The following GALNTL6 variants were observed in gnomAD, a reference collection of about 807,000 sequenced individuals.
The protein encoded by GALNTL6 is polypeptide N-acetylgalactosaminyltransferase like 6.
Under a neutral mutation model 73.7 loss-of-function variants are expected in GALNTL6, and 46 were observed. The ratio of observed to expected loss-of-function variants is 0.62; its 90% confidence interval spans 0.49 to 0.80. The LOEUF is 0.80. GALNTL6 is among the 30% of genes least tolerant of loss of function. The pLI is 0.00. For synonymous variants in GALNTL6, 259 were observed against 263.7 expected (o/e 0.98, Z 0.17); for missense variants, 604 against 755.0 (o/e 0.80, Z 2.34).
At chr4:172,330,627 C>T (rs1325505427) in intron 4 of GALNTL6, among the ~76,000 whole-genome samples, 2 of 152,138 alleles carry the variant, frequency 1.3e-5, no homozygotes, top group African/African-American at 2.4e-5. Context: ...GTTGTTTTAT[C>T]GCTCATTTTA....
chr4:172,212,114 T>G (rs2110928169), intron 2 of GALNTL6, among the ~76,000 whole-genome samples: 1 of 152,338 alleles, frequency 6.6e-6, no homozygotes, highest in African/African-American at 2.4e-5. Flanking sequence ...ATTAATATGG[T>G]TAGATTTCTT....
At chr4:172,874,016 T>G (rs1745071444) in intron 7 of GALNTL6, among the ~76,000 whole-genome samples, 1 of 152,242 alleles carries the variant, frequency 6.6e-6, no homozygotes, top group African/African-American at 2.4e-5. Context: ...AACTGTCAAA[T>G]GTGTATTAAA....
At chr4:172,478,338 G>C (rs138730850) in intron 5 of GALNTL6, among the ~76,000 whole-genome samples, 5 of 152,250 alleles carry the variant, frequency 3.3e-5, no homozygotes, top group Admixed American at 2.6e-4. Flanking sequence ...GAACAGAGTA[G>C]AGAACACCAA....
intron 2 of GALNTL6, among the ~76,000 whole-genome samples, chr4:172,125,615 TATTC>T (rs1461926732): frequency 6.6e-6 from 1 of 152,170 alleles, no homozygotes; most frequent in Non-Finnish European, 1.5e-5. Context: ...TTCCATCACT[TATTC>T]AGACATTCCA....
At chr4:172,924,496 G>C (rs1014921350) in intron 8 of GALNTL6, among the ~76,000 whole-genome samples, 8 of 152,230 alleles carry the variant, frequency 5.3e-5, no homozygotes, top group Non-Finnish European at 1.0e-4. Context: ...ACAGGATAGA[G>C]TGAGAGCATG....
chr4:171,891,249 C>T (rs1424615755), intron 2 of GALNTL6, among the ~76,000 whole-genome samples: 1 of 152,156 alleles, frequency 6.6e-6, no homozygotes, highest in Non-Finnish European at 1.5e-5. Context: ...AAGTCTAAAA[C>T]ATTTTCTTTC....
intron 9 of GALNTL6, among the ~76,000 whole-genome samples, chr4:172,939,571 C>T (rs1748810641): frequency 1.3e-5 from 2 of 152,198 alleles, no homozygotes; most frequent in Non-Finnish European, 2.9e-5. Context: ...CAAGTGCCTA[C>T]TATGTGCCAG....
At chr4:172,630,901 A>G (rs921061142) in intron 5 of GALNTL6, among the ~76,000 whole-genome samples, 3 of 151,424 alleles carry the variant, frequency 2.0e-5, no homozygotes, top group African/African-American at 7.3e-5. Context: ...TATTTGAGTA[A>G]GTATGTAAAA....
At chr4:172,483,038 G>A (rs1733545923) in intron 5 of GALNTL6, among the ~76,000 whole-genome samples, 1 of 151,900 alleles carries the variant, frequency 6.6e-6, no homozygotes. Flanking sequence ...CAAAGGAGAG[G>A]ACAATTGAAA....
intron 2 of GALNTL6, among the ~76,000 whole-genome samples, chr4:171,953,225 C>CGTGTGT (rs36214606): frequency 0.095 from 14,012 of 147,004 alleles, 702 homozygotes; most frequent in East Asian, 0.17. Flanking sequence ...CGCATGCGCA[C>CGTGTGT]GTGTGTGTGT....
chr4:172,301,527 G>A (rs927276074), intron 3 of GALNTL6, among the ~76,000 whole-genome samples: 1 of 152,160 alleles, frequency 6.6e-6, no homozygotes, highest in Non-Finnish European at 1.5e-5. Context: ...TGATGATGGT[G>A]ACGTACAGAT....
chr4:171,842,382 G>GTTT (rs1735259637), intron 2 of GALNTL6, among the ~76,000 whole-genome samples: 1 of 152,068 alleles, frequency 6.6e-6, no homozygotes, highest in African/African-American at 2.4e-5. Context: ...GGCCCTCAAA[G>GTTT]TAGACACAAA....
rs182741982 is a variant in GALNTL6, at chr4:172,629,237, G to A, written c.554-180124G>A. ...AAGAGGAACAAATTGTTCAGTACACGGAAGAAAATAACTCATTTACTTTTT... is the reference window on the plus strand; with the variant it reads ...AAGAGGAACAAATTGTTCAGTACACAGAAGAAAATAACTCATTTACTTTTT... On this transcript the variant is annotated intron_variant, in intron 5 of 12. Coordinates refer to ENST00000506823, the MANE Select transcript of GALNTL6 (RefSeq NM_001034845.3). Among the ~76,000 whole-genome samples, 448 of 152,118 alleles carry A rather than the reference G, an allele frequency of 2.9e-3. 2 individuals carry two copies. The highest frequency in any genetic ancestry group is 2.9e-3 in the Non-Finnish European group (198 of 68,002).
intron 5 of GALNTL6, among the ~76,000 whole-genome samples, chr4:172,619,030 A>AT (rs1560838871): frequency 1.3e-5 from 2 of 151,906 alleles, no homozygotes; most frequent in African/African-American, 4.8e-5. Context: ...CCAATCACTA[A>AT]TTTTTTTTAG....
At chr4:172,159,699 T>C (rs1734394455) in intron 2 of GALNTL6, among the ~76,000 whole-genome samples, 1 of 152,156 alleles carries the variant, frequency 6.6e-6, no homozygotes, top group Admixed American at 6.5e-5. Flanking sequence ...CTCCAGATCA[T>C]GTAGTATGTG....
rs35490374 is a variant in GALNTL6 at position 172,609,625 on chromosome 4, C to CTG, written c.554-199696_554-199695dup. ...TTTCTCTCTCTCTCTCTCTCTCTCT[C>CTG]TGTGTGTGTGTGTGTGTGTGTGTGT... On this transcript the variant is annotated intron_variant, in intron 5 of 12. Transcript: ENST00000506823. 1.9e-3 allele frequency among the ~76,000 whole-genome samples: 179 copies of CTG among 92,766 alleles called. 2 individuals are homozygous for CTG. The highest frequency in any genetic ancestry group is 6.7e-3 in the South Asian group (13 of 1,938). 60.9% of individuals were successfully genotyped at this position (92,766 alleles called of 152,430 possible). A position where few individuals can be genotyped will look rare whatever the true frequency, so the allele number is the denominator to read the frequency against.
intron 3 of GALNTL6, among the ~76,000 whole-genome samples, chr4:172,233,689 G>T (rs944749470): frequency 2.0e-5 from 3 of 151,876 alleles, no homozygotes; most frequent in Non-Finnish European, 4.4e-5. Context: ...TTACTATCTG[G>T]TATAGCTCAC....
chr4:172,611,492 A>G (rs576111606), intron 5 of GALNTL6, among the ~76,000 whole-genome samples: 13 of 152,226 alleles, frequency 8.5e-5, no homozygotes, highest in Non-Finnish European at 1.3e-4. Context: ...AATGCTGAAT[A>G]TAGGCTCTCA....
At chr4:172,253,964 T>C (rs1338238284) in intron 3 of GALNTL6, among the ~76,000 whole-genome samples, 2 of 151,786 alleles carry the variant, frequency 1.3e-5, no homozygotes, top group Non-Finnish European at 3.0e-5. Context: ...AGTAAAACAC[T>C]AATGGGCACT....
Sources: gnomAD v4.1 joint callset for allele counts (sites outside exome capture counted in the v4.1 genomes callset) on GRCh38, gnomAD v4.1.1 for gene constraint, MANE v1.5 for transcripts, NCBI Gene and HGNC (gene_info 2026-07-23, HGNC 2026-07-21) for gene names.